Variants in ERGIC1 observed in about 807,000 individuals in gnomAD.
ERGIC1 encodes endoplasmic reticulum-Golgi intermediate compartment protein 1.
In ERGIC1, 19 loss-of-function variants were observed where a neutral mutation model predicts 38.3. The observed-to-expected ratio is 0.50, with a 90% CI of 0.35 to 0.73. The LOEUF is 0.73. Among genes scored for constraint, ERGIC1 ranks in the 30% least tolerant of loss-of-function variants. The probability of loss-of-function intolerance (pLI) is 0.01; values close to 1 mark genes in which losing one functional copy is unlikely to be tolerated. For missense variants in ERGIC1, 294 were observed against 389.2 expected, an observed-to-expected ratio of 0.76 and a Z score of 2.06; for synonymous variants, 124 against 157.6, an observed-to-expected ratio of 0.79 and a Z score of 1.60.
rs1358106903 is a variant in ERGIC1, at chr5:172,893,868, G to T, written c.83-3134G>T. On this transcript the variant is annotated intron_variant, in intron 2 of 9. Coordinates refer to ENST00000393784, the MANE Select transcript of ERGIC1 (RefSeq NM_001031711.3). The stretch of plus-strand genomic sequence containing the variant: ...CATTACGCTGCTGTTCACTTAGGGG[G>T]ATATATATATATATATATATATATA... Among the ~76,000 whole-genome samples the T allele has an allele frequency of 2.5e-4, 7 of 28,254 alleles. No individual in the cohort carries two copies. In the South Asian group the frequency reaches 0.014, roughly 56 times the overall value. The allele number at this position is 28,254 out of a possible 152,430, so 18.5% of individuals were successfully genotyped here.
intron 1 of ERGIC1, among the ~76,000 whole-genome samples, chr5:172,881,179 G>A (rs1424518892): frequency 1.3e-5 from 2 of 152,146 alleles, no homozygotes; most frequent in Non-Finnish European, 2.9e-5. Context: ...CCTCGGAGGC[G>A]GAGGTTGCGA....
intron 1 of ERGIC1, among the ~76,000 whole-genome samples, chr5:172,869,242 C>A (rs962576783): frequency 6.6e-6 from 1 of 152,222 alleles, no homozygotes; most frequent in African/African-American, 2.4e-5. Context: ...ATTCTTTGGT[C>A]CCCATTCCCC....
Position 172,892,390 on chromosome 5 carries a change from A to G in ERGIC1, c.82+3630A>G, listed in dbSNP as rs369963281. ...ATTTCATTACTTTGTGATGGGTGCT[A>G]TTAATAACTGAAGGAAAGATCAGGG... On this transcript the variant is annotated intron_variant, in intron 2 of 9. Coordinates refer to ENST00000393784, the MANE Select transcript of ERGIC1 (RefSeq NM_001031711.3). 2.0e-5 allele frequency among the ~76,000 whole-genome samples: 3 copies of G among 152,250 alleles called. 1 individual carries two copies. Among genetic ancestry groups the G allele is most frequent in the South Asian group, 4.1e-4 (2 of 4,824 alleles).
In ERGIC1 at chr5:172,888,787, C is replaced by T. The variant is rs189709148; in HGVS notation, c.82+27C>T. Reference sequence around the variant, plus strand: ...TGAGTAGCCAACCTCTGGCCATGCCCTCTGCCCCATCTCCACTGCCTGTGC... The same window carrying T: ...TGAGTAGCCAACCTCTGGCCATGCCTTCTGCCCCATCTCCACTGCCTGTGC... On this transcript the variant is annotated intron_variant, in intron 2 of 9. Coordinates refer to ENST00000393784, the MANE Select transcript of ERGIC1 (RefSeq NM_001031711.3). 1.8e-4 allele frequency: 281 copies of T among 1,605,172 alleles called. 1 individual carries two copies. In the African/African-American group the frequency reaches 3.3e-3, roughly 19 times the overall value.
chr5:172,950,893 C>T lies in ERGIC1; in HGVS notation c.*77C>T. 1 of 1,290,156 alleles carries T rather than the reference C, an allele frequency of 7.8e-7. No homozygotes were observed. The highest frequency in any genetic ancestry group is 1.4e-5 in the South Asian group (1 of 69,296). The allele number at this position is 1,290,156 out of a possible 1,614,324, so 79.9% of individuals were successfully genotyped here. ...CCAGTGCCCTGTCTCCTTTGGCCCT[C>T]AATCTGGTCCCAAATCTGGCTGTGT... On this transcript the variant is annotated 3_prime_UTR_variant, in exon 10 of 10. Coordinates refer to ENST00000393784, the MANE Select transcript of ERGIC1 (RefSeq NM_001031711.3).
At chr5:172,912,204 TATTAAATCCACTGGG>T in intron 4 of ERGIC1, among the ~76,000 whole-genome samples, 1 of 152,220 alleles carries the variant, frequency 6.6e-6, no homozygotes, top group East Asian at 1.9e-4. Context: ...CCTTTGGCTA[TATTAAATCCACTGGG>T]ATTTGAGGTA....
At position 172,923,808 on chromosome 5, in the gene ERGIC1, C is replaced by T. The variant is rs113210697; in HGVS notation, c.376-197C>T. 5.3e-3 allele frequency among the ~76,000 whole-genome samples: 810 copies of T among 152,248 alleles called. 9 individuals carry two copies. The highest frequency in any genetic ancestry group is 0.018 in the African/African-American group (768 of 41,516). ...GCCCCCTCGGAAGCTATGGTAGTGC[C>T]CCCATTCTGCAGATGAGGAGCCTGA... On this transcript the variant is annotated intron_variant, in intron 5 of 9. Transcript: ENST00000393784.
At chr5:172,859,622 C>G (rs1181461683) in intron 1 of ERGIC1, among the ~76,000 whole-genome samples, 1 of 152,234 alleles carries the variant, frequency 6.6e-6, no homozygotes, top group East Asian at 1.9e-4. Flanking sequence ...CTGGTCACTT[C>G]TTTGCCACCT....
intron 6 of ERGIC1, among the ~76,000 whole-genome samples, chr5:172,925,199 C>T (rs966895410): frequency 3.3e-5 from 5 of 152,074 alleles, no homozygotes; most frequent in Admixed American, 1.3e-4. Flanking sequence ...TATCATGCCA[C>T]TGCACTCCAG....
At chr5:172,929,153 ATG>A (rs70984922) in intron 7 of ERGIC1, among the ~76,000 whole-genome samples, 2 of 150,060 alleles carry the variant, frequency 1.3e-5, no homozygotes, top group African/African-American at 2.5e-5. Context: ...ATATATATAT[ATG>A]TGTGTGTGTG....
At chr5:172,876,600 G>A (rs1183986831) in intron 1 of ERGIC1, among the ~76,000 whole-genome samples, 2 of 152,040 alleles carry the variant, frequency 1.3e-5, no homozygotes, top group Admixed American at 1.3e-4. Flanking sequence ...AGGTATAATC[G>A]ACTTACAATA....
At chr5:172,843,539 G>A (rs991378597) in intron 1 of ERGIC1, among the ~76,000 whole-genome samples, 1 of 152,248 alleles carries the variant, frequency 6.6e-6, no homozygotes, top group Non-Finnish European at 1.5e-5. Context: ...AAACCCTGGT[G>A]ATATTTGGCG....
intron 2 of ERGIC1, among the ~76,000 whole-genome samples, chr5:172,890,148 C>T (rs903498424): frequency 7.2e-5 from 11 of 152,156 alleles, no homozygotes; most frequent in Non-Finnish European, 1.5e-4. Context: ...TATCGTGAGC[C>T]CCTGATAGGA....
intron 9 of ERGIC1, among the ~76,000 whole-genome samples, chr5:172,947,122 G>C (rs569109235): frequency 8.0e-5 from 12 of 150,740 alleles, no homozygotes; most frequent in Non-Finnish European, 1.5e-4. Flanking sequence ...AGTGGAGGTT[G>C]CAGTGAGCCG....
chr5:172,857,847 C>T (rs1761591707), intron 1 of ERGIC1, among the ~76,000 whole-genome samples: 1 of 152,138 alleles, frequency 6.6e-6, no homozygotes, highest in South Asian at 2.1e-4. Flanking sequence ...TTCCTTTTCA[C>T]TTTTCATCTC....
chr5:172,898,015 G>A (rs1762767334), intron 3 of ERGIC1: 1 of 408,958 alleles, frequency 2.4e-6, no homozygotes, highest in Non-Finnish European at 4.4e-6. Flanking sequence ...CCTCTGTGAT[G>A]GAATTAGACC....
intron 3 of ERGIC1, among the ~76,000 whole-genome samples, chr5:172,902,671 T>C (rs539272466): frequency 1.3e-5 from 2 of 152,108 alleles, no homozygotes; most frequent in African/African-American, 4.8e-5. Context: ...ACCTGGTTGG[T>C]AATAGATGCA....
chr5:172,905,433 T>C (rs1284379877), intron 3 of ERGIC1: 9 of 469,650 alleles, frequency 1.9e-5, no homozygotes, highest in South Asian at 1.4e-4. Flanking sequence ...CCTGGGGTTC[T>C]TGGCCTCACG....
At chr5:172,930,061 G>A (rs1040503819) in intron 7 of ERGIC1, among the ~76,000 whole-genome samples, 16 of 151,774 alleles carry the variant, frequency 1.1e-4, no homozygotes, top group Non-Finnish European at 2.2e-4. Context: ...GGTGGCAGGC[G>A]CCTGTAGTCC....
Sources: allele counts gnomAD v4.1 joint callset (sites outside exome capture counted in the v4.1 genomes callset), GRCh38; gene constraint gnomAD v4.1.1; transcripts MANE v1.5; gene names NCBI Gene and HGNC (gene_info 2026-07-23, HGNC 2026-07-21).